The following SCAMP1 variants were observed in gnomAD, a reference collection of about 807,000 sequenced individuals.
The protein encoded by SCAMP1 is secretory carrier-associated membrane protein 1.
SCAMP1 carries 15 observed loss-of-function variants against 41.8 expected under a neutral mutation model. The observed-to-expected ratio is 0.36, with a 90% CI of 0.24 to 0.55. SCAMP1 has a LOEUF of 0.55. Among genes scored for constraint, SCAMP1 ranks in the 20% least tolerant of loss-of-function variants. The pLI is 0.86. For synonymous variants in SCAMP1, 135 were observed against 136.8 expected (o/e 0.99, Z 0.09); for missense variants, 341 against 412.6 (o/e 0.83, Z 1.50).
intron 2 of SCAMP1, among the ~76,000 whole-genome samples, chr5:78,394,328 A>C (rs1751591417): frequency 6.6e-6 from 1 of 152,068 alleles, no homozygotes; most frequent in Non-Finnish European, 1.5e-5. Context: ...CCTCTTCGAA[A>C]ATCTTTTTTT....
At chr5:78,471,045 C>T (rs906320523) in intron 8 of SCAMP1, among the ~76,000 whole-genome samples, 13 of 152,158 alleles carry the variant, frequency 8.5e-5, no homozygotes, top group Non-Finnish European at 1.3e-4. Context: ...TCAGTGGCTT[C>T]TACTGCAGAT....
intron 8 of SCAMP1, among the ~76,000 whole-genome samples, chr5:78,464,751 A>G (rs1346851979): frequency 6.6e-6 from 1 of 152,142 alleles, no homozygotes; most frequent in Non-Finnish European, 1.5e-5. Flanking sequence ...TAACCTAATG[A>G]TGAAATCACT....
At chr5:78,453,027 G>A (rs899823029) in intron 7 of SCAMP1, among the ~76,000 whole-genome samples, 3 of 144,552 alleles carry the variant, frequency 2.1e-5, no homozygotes, top group Non-Finnish European at 4.6e-5. Context: ...CTTTTTGATG[G>A]GGTTGTTTGT....
chr5:78,467,072 A>G (rs1753767331), intron 8 of SCAMP1, among the ~76,000 whole-genome samples: 1 of 152,162 alleles, frequency 6.6e-6, no homozygotes, highest in South Asian at 2.1e-4. Flanking sequence ...GGGAGTTTAA[A>G]TTAACTGGTG....
intron 7 of SCAMP1, among the ~76,000 whole-genome samples, chr5:78,454,284 G>T (rs1753323871): frequency 1.3e-5 from 2 of 152,206 alleles, no homozygotes; most frequent in Admixed American, 1.3e-4. Flanking sequence ...AATGCTTCCA[G>T]TTCTTACCCA....
At chr5:78,431,774 T>G (rs1752631717) in intron 6 of SCAMP1, among the ~76,000 whole-genome samples, 1 of 152,012 alleles carries the variant, frequency 6.6e-6, no homozygotes. Flanking sequence ...TTAAAATGTA[T>G]TTTATTTTTA....
intron 1 of SCAMP1, among the ~76,000 whole-genome samples, chr5:78,371,506 C>G (rs567371754): frequency 6.6e-6 from 1 of 152,260 alleles, no homozygotes; most frequent in African/African-American, 2.4e-5. Context: ...AATATTTTAT[C>G]TGAAAAAGCC....
intron 1 of SCAMP1, among the ~76,000 whole-genome samples, chr5:78,369,965 C>G (rs1231488186): frequency 1.3e-5 from 2 of 152,212 alleles, no homozygotes; most frequent in Admixed American, 6.5e-5. Context: ...AGTTATCTCA[C>G]TAGGCTTTTG....
intron 1 of SCAMP1, among the ~76,000 whole-genome samples, chr5:78,361,509 G>C (rs1193230377): frequency 6.6e-6 from 1 of 152,218 alleles, no homozygotes; most frequent in African/African-American, 2.4e-5. Flanking sequence ...TCCTACTTGA[G>C]CTGCTTTTCT....
intron 2 of SCAMP1, among the ~76,000 whole-genome samples, chr5:78,413,145 TG>T (rs570504844): frequency 8.1e-4 from 124 of 152,268 alleles, no homozygotes; most frequent in African/African-American, 2.8e-3. Context: ...AAGTAAGAAA[TG>T]TTTTTTTTTC....
intron 8 of SCAMP1, among the ~76,000 whole-genome samples, chr5:78,473,296 G>A (rs1323477670): frequency 6.6e-6 from 1 of 152,046 alleles, no homozygotes; most frequent in African/African-American, 2.4e-5. Flanking sequence ...CTTGTACCGT[G>A]ATAGATTTTC....
At chr5:78,429,537 T>A (rs1303820407) in intron 6 of SCAMP1, among the ~76,000 whole-genome samples, 1 of 152,040 alleles carries the variant, frequency 6.6e-6, no homozygotes, top group Non-Finnish European at 1.5e-5. Flanking sequence ...TTGGTCATTT[T>A]GAGTTCCTTC....
At chr5:78,398,481 TG>T (rs1026112699) in intron 2 of SCAMP1, among the ~76,000 whole-genome samples, 4 of 147,392 alleles carry the variant, frequency 2.7e-5, no homozygotes, top group African/African-American at 9.9e-5. Context: ...CTTCCCACCT[TG>T]GCCTCCCAAA....
At chr5:78,388,373 CAA>C (rs1349910346) in intron 1 of SCAMP1, among the ~76,000 whole-genome samples, 3 of 152,220 alleles carry the variant, frequency 2.0e-5, no homozygotes, top group East Asian at 1.9e-4. Flanking sequence ...TAGAATAAAA[CAA>C]GAGTTACTTA....
intron 6 of SCAMP1, 76 bp from the exon 7 acceptor site, chr5:78,449,857 G>A (rs1561281701): frequency 1.3e-6 from 1 of 786,012 alleles, no homozygotes; most frequent in African/African-American, 1.8e-5. Flanking sequence ...TAAAGATAAT[G>A]AGAAAAATGA....
chr5:78,421,301 T>C (rs1037461223), intron 5 of SCAMP1, among the ~76,000 whole-genome samples: 1 of 152,228 alleles, frequency 6.6e-6, no homozygotes, highest in African/African-American at 2.4e-5. Flanking sequence ...TGGACAGCTC[T>C]ATGAAGTTGA....
intron 8 of SCAMP1, 74 bp downstream of exon 8, chr5:78,459,436 T>C: frequency 2.6e-6 from 2 of 779,568 alleles, no homozygotes; most frequent in Admixed American, 4.9e-5. Context: ...TTTGCTATAA[T>C]TTGGTGTAAC....
chr5:78,456,751 G>A (rs534494586), intron 7 of SCAMP1, among the ~76,000 whole-genome samples: 2 of 147,880 alleles, frequency 1.4e-5, no homozygotes, highest in Non-Finnish European at 3.0e-5. Flanking sequence ...GATTGGGGAA[G>A]TTCTCCTGGA....
chr5:78,441,459 G>A (rs1752922504), intron 6 of SCAMP1, among the ~76,000 whole-genome samples: 1 of 152,230 alleles, frequency 6.6e-6, no homozygotes, highest in Admixed American at 6.5e-5. Flanking sequence ...GAAATTTCAA[G>A]TGTAAGAGTG....
Sources: allele counts gnomAD v4.1 joint callset (sites outside exome capture counted in the v4.1 genomes callset), GRCh38; gene constraint gnomAD v4.1.1; transcripts MANE v1.5; gene names NCBI Gene and HGNC (gene_info 2026-07-23, HGNC 2026-07-21).